Variants in ARHGEF9 observed in about 807,000 individuals in gnomAD.
ARHGEF9 encodes the protein Cdc42 guanine nucleotide exchange factor 9.
In ARHGEF9, 2 loss-of-function variants were observed where a neutral mutation model predicts 41.3. That is an observed-to-expected ratio of 0.05 (90% CI 0.02 to 0.15). The LOEUF is 0.15. Among genes scored for constraint, ARHGEF9 ranks in the 10% least tolerant of loss-of-function variants. The probability of loss-of-function intolerance (pLI) is 1.00; values close to 1 mark genes in which losing one functional copy is unlikely to be tolerated. For synonymous variants in ARHGEF9, 160 were observed against 154.4 expected (o/e 1.04, Z -0.27); for missense variants, 225 against 424.7 (o/e 0.53, Z 4.13).
At chrX:63,742,386 C>G (rs1191124708) in intron 1 of ARHGEF9, among the ~76,000 whole-genome samples, 1 of 111,125 alleles carries the variant, frequency 9.0e-6, no homozygotes, top group Non-Finnish European at 1.9e-5. Flanking sequence ...CTTGCTCCCC[C>G]CAACACCACA....
At chrX:63,755,100 C>T in intron 1 of ARHGEF9, 2 of 938,974 alleles carry the variant, frequency 2.1e-6, no homozygotes, top group South Asian at 5.9e-5. Context: ...GCCTTGCTGG[C>T]CCTATCCCTC....
chrX:63,705,291 G>A (rs1490070668), intron 3 of ARHGEF9, among the ~76,000 whole-genome samples: 3 of 109,618 alleles, frequency 2.7e-5, no homozygotes, highest in African/African-American at 1.0e-4. Flanking sequence ...CCCCTCCTCT[G>A]GAAGGAAGGA....
intron 2 of ARHGEF9, among the ~76,000 whole-genome samples, chrX:63,711,716 G>A (rs1602516045): frequency 2.7e-5 from 3 of 111,496 alleles, no homozygotes; most frequent in African/African-American, 9.8e-5. Flanking sequence ...AAACATAGAG[G>A]AAAATCTGTA....
At chrX:63,678,194 G>A in intron 5 of ARHGEF9, 146 bp downstream of exon 5, 1 of 536,635 alleles carries the variant, frequency 1.9e-6, no homozygotes. Flanking sequence ...GTACCCTGTT[G>A]GCTATGAGGC....
Position 63,635,497 on chromosome X carries a change from G to GT in ARHGEF9, c.*2530dup. ...TAACAGGTTAGGATACTGAACCCAG[G>GT]TATTTAATTGGGCTCCCCTTGGGGC... is the stretch of plus-strand genomic sequence containing the variant. On this transcript the variant is annotated 3_prime_UTR_variant, in exon 10 of 10. Transcript: ENST00000671741. The GT allele has an allele frequency of 2.0e-6, 1 of 495,948 alleles. No homozygotes were observed. Among genetic ancestry groups the GT allele is most frequent in the Non-Finnish European group, 3.6e-6 (1 of 276,460 alleles). The allele number at this position is 495,948 out of a possible 1,213,427, so 40.9% of individuals were successfully genotyped here.
At chrX:63,736,759 C>T (rs1248453220) in intron 1 of ARHGEF9, among the ~76,000 whole-genome samples, 5 of 111,855 alleles carry the variant, frequency 4.5e-5, no homozygotes, top group African/African-American at 1.6e-4. Context: ...ATATGCTTCA[C>T]TACAGTAACC....
intron 3 of ARHGEF9, among the ~76,000 whole-genome samples, chrX:63,700,550 T>C (rs1266012341): frequency 1.8e-5 from 2 of 111,305 alleles, no homozygotes; most frequent in African/African-American, 3.3e-5. Context: ...AAAGAAGAAA[T>C]ATATTGAGAG....
intron 1 of ARHGEF9, among the ~76,000 whole-genome samples, chrX:63,770,053 C>A (rs2056178321): frequency 1.8e-5 from 2 of 111,545 alleles, no homozygotes; most frequent in South Asian, 7.6e-4. Context: ...GCATCTTGTG[C>A]CTAAAAAAGC....
intron 1 of ARHGEF9, among the ~76,000 whole-genome samples, chrX:63,764,597 A>C (rs1437081499): frequency 7.1e-5 from 8 of 112,643 alleles, no homozygotes. Flanking sequence ...AGGCCGGATA[A>C]AGAAAATGTA....
intron 1 of ARHGEF9, among the ~76,000 whole-genome samples, chrX:63,739,347 T>C (rs2054809606): frequency 1.8e-5 from 2 of 111,734 alleles, no homozygotes; most frequent in Admixed American, 1.9e-4. Flanking sequence ...GGACATGAGC[T>C]GCTGTAGGAG....
chrX:63,638,259 G>C, intron 9 of ARHGEF9, 50 bp from the exon 10 acceptor site: 1 of 1,104,064 alleles, frequency 9.1e-7, no homozygotes, highest in Non-Finnish European at 1.2e-6. Context: ...ATGTAACAAA[G>C]GGCTTCTCAA....
intron 6 of ARHGEF9, chrX:63,670,073 G>A (rs1490391591): frequency 9.0e-6 from 1 of 111,585 alleles, no homozygotes; most frequent in Non-Finnish European, 1.9e-5. Context: ...GAGCGAAGAG[G>A]CCTCACCCCA....
chrX:63,756,176 G>A (rs1276342604), intron 1 of ARHGEF9, among the ~76,000 whole-genome samples: 5 of 111,776 alleles, frequency 4.5e-5, no homozygotes, highest in South Asian at 3.8e-4. Context: ...ACTTATCTGA[G>A]AATTCAGTTA....
Position 63,637,846 on chromosome X carries a change from CTGTGTGTG to C in ARHGEF9, c.*174_*181del, listed in dbSNP as rs10542660. On this transcript the variant is annotated 3_prime_UTR_variant, in exon 10 of 10. Transcript: ENST00000671741. ...GAAAACACTTTTGTTCCTTATCTCT[CTGTGTGTG>C]TGTGTGTGTGTGTGTGTGTGTGTGT... 217 of 310,361 alleles carry C rather than the reference CTGTGTGTG, an allele frequency of 7.0e-4. 1 individual carries two copies. Among genetic ancestry groups the C allele is most frequent in the African/African-American group, 4.5e-3 (146 of 32,403 alleles). The allele number at this position is 310,361 out of a possible 1,213,427, so 25.6% of individuals were successfully genotyped here. A position where few individuals can be genotyped will look rare whatever the true frequency, so the allele number is the denominator to read the frequency against.
chrX:63,680,475 C>A (rs782280150), intron 4 of ARHGEF9, among the ~76,000 whole-genome samples: 1 of 112,126 alleles, frequency 8.9e-6, no homozygotes. Context: ...TGACCAGCTT[C>A]AGTTTCATCC....
At chrX:63,760,203 C>T (rs1308970245) in intron 1 of ARHGEF9, among the ~76,000 whole-genome samples, 2 of 110,301 alleles carry the variant, frequency 1.8e-5, no homozygotes, top group Non-Finnish European at 1.9e-5. Context: ...TTTTTTGTCC[C>T]GATCTCCACT....
At chrX:63,697,065 G>T in intron 4 of ARHGEF9, 60 bp downstream of exon 4, 11 of 1,143,061 alleles carry the variant, frequency 9.6e-6, no homozygotes, top group Non-Finnish European at 1.3e-5. Flanking sequence ...CAGCTCAAAC[G>T]CTCCTTCCAT....
At chrX:63,757,057 C>T (rs1176190665) in intron 1 of ARHGEF9, among the ~76,000 whole-genome samples, 6 of 112,142 alleles carry the variant, frequency 5.4e-5, no homozygotes, top group Non-Finnish European at 1.9e-5. Flanking sequence ...CTTGGGAACA[C>T]CATCCACATG....
chrX:63,740,498 G>T (rs1241302582), intron 1 of ARHGEF9, among the ~76,000 whole-genome samples: 14 of 112,190 alleles, frequency 1.2e-4, no homozygotes, highest in African/African-American at 4.2e-4. Flanking sequence ...CATCATCTAA[G>T]GGCAATACTG....
Sources: allele counts gnomAD v4.1 joint callset (sites outside exome capture counted in the v4.1 genomes callset), GRCh38; gene constraint gnomAD v4.1.1; transcripts MANE v1.5; gene names NCBI Gene and HGNC (gene_info 2026-07-23, HGNC 2026-07-21).